Variants in RGS22 observed in about 807,000 individuals in gnomAD.
RGS22 encodes the protein regulator of G protein signaling 22.
A neutral mutation model predicts 172.9 loss-of-function variants in RGS22; 148 were observed. The observed-to-expected ratio is 0.86, with a 90% CI of 0.75 to 0.98. The LOEUF (loss-of-function observed/expected upper bound fraction) is 0.98. Among genes scored for constraint, RGS22 ranks in the 50% least tolerant of loss-of-function variants. RGS22 has a pLI of 0.00. For synonymous variants in RGS22, 458 were observed against 480.2 expected, an observed-to-expected ratio of 0.95 and a Z score of 0.60; for missense variants, 1,347 against 1,440.8, an observed-to-expected ratio of 0.93 and a Z score of 1.05.
chr8:100,084,949 G>T (rs1231136095), intron 3 of RGS22, among the ~76,000 whole-genome samples: 1 of 152,170 alleles, frequency 6.6e-6, no homozygotes, highest in Non-Finnish European at 1.5e-5. Context: ...CAGTGACAAG[G>T]GTAGTAATAC....
chr8:100,047,122 A>T (rs1820808543), intron 11 of RGS22, among the ~76,000 whole-genome samples: 1 of 152,158 alleles, frequency 6.6e-6, no homozygotes, highest in Non-Finnish European at 1.5e-5. Flanking sequence ...GTCAGTAACA[A>T]TATTCTTGAC....
intron 2 of RGS22, among the ~76,000 whole-genome samples, chr8:100,104,276 G>A (rs1451701083): frequency 6.6e-6 from 1 of 151,994 alleles, no homozygotes; most frequent in Admixed American, 6.6e-5. Context: ...TTGTGATGGG[G>A]CCACTACACT....
At chr8:100,073,982 T>C (rs970083478) in intron 4 of RGS22, among the ~76,000 whole-genome samples, 3 of 152,144 alleles carry the variant, frequency 2.0e-5, no homozygotes, top group Non-Finnish European at 4.4e-5. Flanking sequence ...AAGACAATCC[T>C]GATCAACCAT....
chr8:100,032,639 C>G (rs1438360245), intron 14 of RGS22, among the ~76,000 whole-genome samples: 4 of 152,060 alleles, frequency 2.6e-5, no homozygotes, highest in African/African-American at 9.7e-5. Flanking sequence ...ATATTCAGGG[C>G]TTGAACTCAG....
chr8:100,038,673 A>G, intron 14 of RGS22: 1 of 299,690 alleles, frequency 3.3e-6, no homozygotes. Flanking sequence ...AAAAAGAGAG[A>G]GAGATGTTCT....
chr8:100,053,972 T>A (rs1191099052), intron 9 of RGS22, among the ~76,000 whole-genome samples: 2 of 152,160 alleles, frequency 1.3e-5, no homozygotes, highest in Non-Finnish European at 1.5e-5. Flanking sequence ...GCTACTAAAG[T>A]AGGTTATAAT....
chr8:99,967,172 G>C (rs1283288700), intron 23 of RGS22, among the ~76,000 whole-genome samples: 1 of 152,188 alleles, frequency 6.6e-6, no homozygotes, highest in Non-Finnish European at 1.5e-5. Context: ...ACTGTGCTGT[G>C]AGGAATGATG....
intron 9 of RGS22, 91 bp from the exon 10 acceptor site, chr8:100,053,067 A>G (rs1821853470): frequency 1.7e-6 from 2 of 1,160,004 alleles, no homozygotes; most frequent in Middle Eastern, 2.2e-4. Flanking sequence ...TGTGCTCACA[A>G]TTAACAGTCT....
intron 18 of RGS22, among the ~76,000 whole-genome samples, chr8:100,001,202 T>TTATATATATATATATATATACACA (rs140189906): frequency 8.0e-6 from 1 of 124,780 alleles, no homozygotes; most frequent in African/African-American, 3.1e-5. Context: ...TCCCAATTTT[T>TTATATATATATATATATATACACA]TATATATATA....
At chr8:100,104,329 CGTGTGTGTGTGTGTGTGT>C (rs34385626) in intron 2 of RGS22, among the ~76,000 whole-genome samples, 6 of 140,358 alleles carry the variant, frequency 4.3e-5, no homozygotes, top group Non-Finnish European at 9.1e-5. Flanking sequence ...AAAATATGTG[CGTGTGTGTGTGTGTGTGT>C]GTGTGTGTGT....
chr8:99,988,080 T>C (rs1270149754), intron 20 of RGS22, among the ~76,000 whole-genome samples: 1 of 151,354 alleles, frequency 6.6e-6, no homozygotes, highest in Non-Finnish European at 1.5e-5. Flanking sequence ...TAAGAAAAAA[T>C]TATCAATTGA....
At chr8:100,016,957 C>T (rs1170807076) in intron 14 of RGS22, among the ~76,000 whole-genome samples, 1 of 140,762 alleles carries the variant, frequency 7.1e-6, no homozygotes, top group Non-Finnish European at 1.5e-5. Flanking sequence ...ACTCTCCCTA[C>T]ATCCCTGATT....
At chr8:99,972,834 C>T (rs1811516345) in intron 23 of RGS22, among the ~76,000 whole-genome samples, 1 of 151,904 alleles carries the variant, frequency 6.6e-6, no homozygotes, top group Non-Finnish European at 1.5e-5. Flanking sequence ...GAGATCGAGA[C>T]CGACCAGGCT....
intron 22 of RGS22, among the ~76,000 whole-genome samples, chr8:99,978,324 T>C (rs1474134410): frequency 6.6e-6 from 1 of 152,196 alleles, no homozygotes; most frequent in African/African-American, 2.4e-5. Flanking sequence ...TTATTCTTTA[T>C]GTCTCCCTAA....
intron 22 of RGS22, 144 bp from the exon 23 acceptor site, chr8:99,978,219 T>G (rs1308532282): frequency 4.2e-6 from 2 of 476,114 alleles, no homozygotes; most frequent in Middle Eastern, 5.4e-4. Context: ...CTTGGTATAG[T>G]TTTGCTCAGC....
chr8:100,042,386 G>A lies in RGS22; in HGVS notation c.1824-470C>T, dbSNP rs572424828. 3.4e-3 allele frequency among the ~76,000 whole-genome samples: 522 copies of A among 152,262 alleles called. 4 individuals carry two copies. The highest frequency in any genetic ancestry group is 0.012 in the African/African-American group (493 of 41,564). ...GTTTAAAAGGCAGCAAACATAATTTGCTTAGGGCAGGAAGACACTAACATT... is the reference window on the plus strand; with the variant it reads ...GTTTAAAAGGCAGCAAACATAATTTACTTAGGGCAGGAAGACACTAACATT... On this transcript the variant is annotated intron_variant, in intron 11 of 27. Coordinates refer to ENST00000360863, the MANE Select transcript of RGS22 (RefSeq NM_015668.5).
chr8:100,025,219 C>T (rs868488339), intron 14 of RGS22, among the ~76,000 whole-genome samples: 5 of 152,250 alleles, frequency 3.3e-5, no homozygotes, highest in East Asian at 3.9e-4. Context: ...TGACAAAATG[C>T]GATGCAACAC....
chr8:100,047,535 GT>G lies in RGS22; in HGVS notation c.1750del (p.Thr584GlnfsTer21). ...CCGCTTCCAAGGCTTTTGAGTTGCT[GT>G]TTTTACTTCAGGTGATTTATTGGGA... ...KSPNKSPEVKTATQKPWKREL... is the reference protein window; with the variant it reads ...KSPNKSPEVKXATQKPWKREL... On this transcript the variant is annotated frameshift_variant, in exon 11 of 28. Coordinates refer to ENST00000360863, the MANE Select transcript of RGS22 (RefSeq NM_015668.5). LOFTEE classifies it high-confidence loss of function. 6.2e-7 allele frequency: 1 copy of G among 1,613,172 alleles called. No individual in the cohort carries two copies. Among genetic ancestry groups the G allele is most frequent in the Non-Finnish European group, 8.5e-7 (1 of 1,179,532 alleles).
At position 100,030,039 on chromosome 8, in the gene RGS22, T is replaced by G. The variant is rs1217090914; in HGVS notation, c.2166+8892A>C. ...AACATACAACACAGATATTCAAAGGTGGAAAAACCTGAAAGAGGGGTTAAG... is the reference window on the plus strand; with the variant it reads ...AACATACAACACAGATATTCAAAGGGGGAAAAACCTGAAAGAGGGGTTAAG... On this transcript the variant is annotated intron_variant, in intron 14 of 27. Transcript: ENST00000360863. Among the ~76,000 whole-genome samples the G allele has an allele frequency of 2.0e-5, 3 of 152,064 alleles. No individual in the cohort carries two copies. The East Asian group carries it at 5.8e-4, about 29-fold the overall frequency.
Sources: gnomAD v4.1 joint callset for allele counts (sites outside exome capture counted in the v4.1 genomes callset) on GRCh38, gnomAD v4.1.1 for gene constraint, MANE v1.5 for transcripts, NCBI Gene and HGNC (gene_info 2026-07-23, HGNC 2026-07-21) for gene names.